The following PTPN14 variants were observed in gnomAD, a reference collection of about 807,000 sequenced individuals.
PTPN14 encodes tyrosine-protein phosphatase non-receptor type 14.
A neutral mutation model predicts 126.8 loss-of-function variants in PTPN14; 53 were observed. That is an observed-to-expected ratio of 0.42 (90% confidence interval 0.34 to 0.53). PTPN14 has a LOEUF of 0.53. PTPN14 is among the 20% of genes least tolerant of loss of function. The probability of loss-of-function intolerance (pLI) is 0.08; values close to 1 mark genes in which losing one functional copy is unlikely to be tolerated. For missense variants in PTPN14, 1,257 were observed against 1,552.9 expected, an observed-to-expected ratio of 0.81 and a Z score of 3.20; for synonymous variants, 630 against 599.3, an observed-to-expected ratio of 1.05 and a Z score of -0.75.
Position 214,397,950 on chromosome 1 carries a change from C to A in PTPN14, c.721G>T (p.Val241Leu). The part of the protein sequence containing the change: ...HLGIFFMGIF[V>L]RNRIGRQAVI... Reference sequence around the variant, plus strand: ...GCTTGTCTTCCAATTCTGTTCCTCACGAAAATCCCCATAAAGAAAATGCCA... The same window carrying A: ...GCTTGTCTTCCAATTCTGTTCCTCAAGAAAATCCCCATAAAGAAAATGCCA... The change falls in exon 8 of 19, where the codon GTG (valine) becomes TTG (leucine). Residue 241 changes from valine (V) to leucine (L), a missense_variant. Val to Leu is a conservative substitution (Grantham distance 32). Coordinates refer to ENST00000366956, the MANE Select transcript of PTPN14 (RefSeq NM_005401.5). The A allele has an allele frequency of 6.2e-7, 1 of 1,612,906 alleles. No homozygotes were observed. Among genetic ancestry groups the A allele is most frequent in the East Asian group, 2.2e-5 (1 of 44,864 alleles).
chr1:214,473,319 C>T (rs1001111269), intron 1 of PTPN14, among the ~76,000 whole-genome samples: 3 of 152,210 alleles, frequency 2.0e-5, no homozygotes, highest in African/African-American at 7.2e-5. Flanking sequence ...ATTACCAGCA[C>T]AGTCTGTGTT....
chr1:214,407,214 T>C (rs1345621285), intron 5 of PTPN14, among the ~76,000 whole-genome samples: 1 of 152,196 alleles, frequency 6.6e-6, no homozygotes, highest in Non-Finnish European at 1.5e-5. Context: ...TACCACTGTT[T>C]ACTTGGAGGG....
chr1:214,464,612 C>A lies in PTPN14; in HGVS notation c.174+18G>T, dbSNP rs774677752. The A allele has an allele frequency of 5.6e-6, 9 of 1,612,100 alleles. No homozygotes were observed. Among genetic ancestry groups the A allele is most frequent in the Non-Finnish European group, 7.6e-6 (9 of 1,178,336 alleles). ...ACGCATGCACGCGCACATGCGCACA[C>A]AGACACACCCCTCTTACCTCTCGCA... On this transcript the variant is annotated intron_variant, in intron 2 of 18. Coordinates refer to ENST00000366956, the MANE Select transcript of PTPN14 (RefSeq NM_005401.5).
intron 1 of PTPN14, among the ~76,000 whole-genome samples, chr1:214,501,824 C>T (rs966122170): frequency 1.3e-5 from 2 of 152,066 alleles, no homozygotes; most frequent in African/African-American, 4.8e-5. Context: ...CTTTGGGAGG[C>T]CAAGGCCGGC....
At chr1:214,420,112 C>A (rs373116777) in intron 3 of PTPN14, among the ~76,000 whole-genome samples, 2 of 152,248 alleles carry the variant, frequency 1.3e-5, no homozygotes, top group South Asian at 2.1e-4. Context: ...AACTACAAAG[C>A]GAATACTCCT....
chr1:214,390,581 G>T (rs1243236780), intron 11 of PTPN14, among the ~76,000 whole-genome samples: 4 of 152,126 alleles, frequency 2.6e-5, no homozygotes, highest in Admixed American at 6.5e-5. Context: ...CATTTAGAAG[G>T]CATTTTCTCA....
At chr1:214,458,054 G>T (rs1174724569) in intron 2 of PTPN14, among the ~76,000 whole-genome samples, 1 of 146,692 alleles carries the variant, frequency 6.8e-6, no homozygotes, top group Non-Finnish European at 1.5e-5. Flanking sequence ...GAGAGAGAGA[G>T]ATAGAGAGAG....
Position 214,401,667 on chromosome 1 carries a change from C to A in PTPN14, c.669+18G>T. ...CGGTCTGAGAAGGTTAAAGCCAGCACAGGGCACAGCATATTACCTTTACAG... is the reference window on the plus strand; with the variant it reads ...CGGTCTGAGAAGGTTAAAGCCAGCAAAGGGCACAGCATATTACCTTTACAG... On this transcript the variant is annotated intron_variant, in intron 7 of 18. Coordinates refer to ENST00000366956, the MANE Select transcript of PTPN14 (RefSeq NM_005401.5). 1 of 1,523,704 alleles carries A rather than the reference C, an allele frequency of 6.6e-7. No homozygotes were observed. Among genetic ancestry groups the A allele is most frequent in the Non-Finnish European group, 9.0e-7 (1 of 1,108,960 alleles). 94.4% of individuals were successfully genotyped at this position (1,523,704 alleles called of 1,614,324 possible).
chr1:214,435,245 TGTGTGTGTGC>T lies in PTPN14; in HGVS notation c.344+16550_344+16559del, dbSNP rs1371183433. On this transcript the variant is annotated intron_variant, in intron 3 of 18. Transcript: ENST00000366956. ...TCAGTCCGGTAGTGTGTCTGCTGTG[TGTGTGTGTGC>T]GTGTGTGTGTGTGTGTGTTGAGATA... 3.3e-5 allele frequency among the ~76,000 whole-genome samples: 5 copies of T among 152,140 alleles called. No individual in the cohort carries two copies. In the East Asian group the frequency reaches 7.7e-4, roughly 24 times the overall value.
rs6686297 is a variant in PTPN14, at chr1:214,412,854, A to T, written c.443-1103T>A. On this transcript the variant is annotated intron_variant, in intron 4 of 18. Coordinates refer to ENST00000366956, the MANE Select transcript of PTPN14 (RefSeq NM_005401.5). ...GTGAGAGGAAAGAGTACATGCAGTA[A>T]ACAAAGCTTTTTATTTATTTATTTA... Among the ~76,000 whole-genome samples, 216 of 152,224 alleles carry T rather than the reference A, an allele frequency of 1.4e-3. 1 individual carries two copies. The highest frequency in any genetic ancestry group is 5.1e-3 in the African/African-American group (211 of 41,548).
At chr1:214,489,610 T>TA (rs1414880868) in intron 1 of PTPN14, among the ~76,000 whole-genome samples, 1 of 152,172 alleles carries the variant, frequency 6.6e-6, no homozygotes, top group Non-Finnish European at 1.5e-5. Flanking sequence ...GCCCTGGACA[T>TA]AGACTCCCTC....
intron 3 of PTPN14, among the ~76,000 whole-genome samples, chr1:214,445,005 T>C (rs996345736): frequency 6.6e-6 from 1 of 152,214 alleles, no homozygotes; most frequent in Non-Finnish European, 1.5e-5. Flanking sequence ...AGACAACCTG[T>C]CCACTTGGTT....
intron 1 of PTPN14, among the ~76,000 whole-genome samples, chr1:214,470,079 G>A (rs1045831393): frequency 6.6e-6 from 1 of 151,818 alleles, no homozygotes; most frequent in Non-Finnish European, 1.5e-5. Context: ...TTGAGTCCAC[G>A]AATTCAAGAA....
chr1:214,392,246 T>G (rs543680972), intron 10 of PTPN14, among the ~76,000 whole-genome samples: 2 of 152,180 alleles, frequency 1.3e-5, no homozygotes, highest in East Asian at 3.9e-4. Flanking sequence ...GCCCCAGGTT[T>G]TAATCAGGTA....
rs576884700 is a variant in PTPN14, at chr1:214,481,706, C to G, written c.-154-16749G>C. Among the ~76,000 whole-genome samples the G allele has an allele frequency of 2.6e-5, 4 of 152,042 alleles. No individual in the cohort carries two copies. The East Asian group carries it at 7.8e-4, about 30-fold the overall frequency. ...AGACATTAAAATAGGCAAGAATGAG[C>G]TAGGCGCGGTGGCTCACGCCTGTAA... is the stretch of plus-strand genomic sequence containing the variant. On this transcript the variant is annotated intron_variant, in intron 1 of 18. Transcript: ENST00000366956.
intron 1 of PTPN14, among the ~76,000 whole-genome samples, chr1:214,517,501 A>AC (rs1553274792): frequency 4.0e-5 from 6 of 151,646 alleles, no homozygotes; most frequent in African/African-American, 1.5e-4. Flanking sequence ...AAAAAAAAAA[A>AC]CATAAAGTAA....
Position 214,522,433 on chromosome 1 carries a change from T to C in PTPN14, c.-155+28750A>G, listed in dbSNP as rs548404520. On this transcript the variant is annotated intron_variant, in intron 1 of 18. Transcript: ENST00000366956. Reference sequence around the variant, plus strand: ...AAACAGTAACTTGCAAAATGGCCAGTCAACAAATAGCTAATTCAACTCAAA... The same window carrying C: ...AAACAGTAACTTGCAAAATGGCCAGCCAACAAATAGCTAATTCAACTCAAA... Among the ~76,000 whole-genome samples, 3 of 152,278 alleles carry C rather than the reference T, an allele frequency of 2.0e-5. No individual in the cohort carries two copies. The East Asian group carries it at 5.8e-4, about 29-fold the overall frequency.
Position 214,480,404 on chromosome 1 carries a change from G to T in PTPN14, c.-154-15447C>A, listed in dbSNP as rs186622275. Among the ~76,000 whole-genome samples the T allele has an allele frequency of 2.6e-5, 4 of 152,236 alleles. No homozygotes were observed. The East Asian group carries it at 7.7e-4, about 29-fold the overall frequency. On this transcript the variant is annotated intron_variant, in intron 1 of 18. Transcript: ENST00000366956. Reference sequence around the variant, plus strand: ...TTGCTATAGCTTTTTTCTCTTACTGGGTTACCTTAAGCATGATTCCTCAAG... The same window carrying T: ...TTGCTATAGCTTTTTTCTCTTACTGTGTTACCTTAAGCATGATTCCTCAAG...
chr1:214,475,681 C>T (rs1282235136), intron 1 of PTPN14, among the ~76,000 whole-genome samples: 3 of 151,538 alleles, frequency 2.0e-5, no homozygotes. Context: ...TAATCAGCAC[C>T]GCCATTTGTG....
Sources: allele counts gnomAD v4.1 joint callset (sites outside exome capture counted in the v4.1 genomes callset), GRCh38; gene constraint gnomAD v4.1.1; transcripts MANE v1.5; gene names NCBI Gene and HGNC (gene_info 2026-07-23, HGNC 2026-07-21).